HLCS: variants seen among roughly 807,000 people sequenced by gnomAD.
HLCS encodes the protein biotin--protein ligase.
In HLCS, 53 loss-of-function variants were observed where a neutral mutation model predicts 75.0. The ratio of observed to expected loss-of-function variants is 0.71; its 90% confidence interval spans 0.57 to 0.89. HLCS has a LOEUF of 0.89. HLCS is among the 40% of genes least tolerant of loss of function. The pLI is 0.00. For synonymous variants in HLCS, 431 were observed against 428.6 expected, an observed-to-expected ratio of 1.01 and a Z score of -0.07; for missense variants, 966 against 1,074.0, an observed-to-expected ratio of 0.90 and a Z score of 1.41.
intron 6 of HLCS, among the ~76,000 whole-genome samples, chr21:36,770,266 C>T (rs1438636046): frequency 6.6e-6 from 1 of 151,506 alleles, no homozygotes; most frequent in East Asian, 1.9e-4. Context: ...CCTGCCTCAG[C>T]CTCCCGAATA....
intron 6 of HLCS, among the ~76,000 whole-genome samples, chr21:36,868,274 G>GGAAGGAAAGAAAGAAAGAAA (rs886275509): frequency 0.1 from 13,546 of 134,834 alleles, 913 homozygotes; most frequent in Middle Eastern, 0.16. Context: ...AAGGAAGGAA[G>GGAAGGAAAGAAAGAAAGAAA]GAAAGAAAGA....
intron 6 of HLCS, among the ~76,000 whole-genome samples, chr21:36,862,947 T>TTC (rs917211555): frequency 7.6e-5 from 11 of 145,332 alleles, no homozygotes; most frequent in African/African-American, 2.7e-4. Context: ...CTTTCTCTCT[T>TTC]TTTTTTTTTT....
chr21:36,965,724 G>A (rs994957163), intron 1 of HLCS, among the ~76,000 whole-genome samples: 3 of 136,948 alleles, frequency 2.2e-5, no homozygotes, highest in African/African-American at 8.2e-5. Flanking sequence ...GGAGTTTTTT[G>A]TTTGGGATTT....
chr21:36,856,687 G>GA (rs920762769), intron 6 of HLCS, among the ~76,000 whole-genome samples: 7 of 148,876 alleles, frequency 4.7e-5, no homozygotes, highest in African/African-American at 1.2e-4. Context: ...TAGAAGGAAG[G>GA]AAAAAAAAAT....
chr21:36,927,181 T>C (rs1158283937), intron 5 of HLCS, among the ~76,000 whole-genome samples: 6 of 152,256 alleles, frequency 3.9e-5, no homozygotes, highest in African/African-American at 1.4e-4. Context: ...CGTGAAAGCC[T>C]TGGTCGGAGG....
At chr21:36,789,469 A>T (rs2060793570) in intron 6 of HLCS, among the ~76,000 whole-genome samples, 1 of 152,254 alleles carries the variant, frequency 6.6e-6, no homozygotes, top group African/African-American at 2.4e-5. Context: ...CAAGTAATTT[A>T]TACATTTTCC....
chr21:36,866,632 C>T (rs2063566304), intron 6 of HLCS, among the ~76,000 whole-genome samples: 1 of 152,162 alleles, frequency 6.6e-6, no homozygotes, highest in South Asian at 2.1e-4. Context: ...CACATTCCTT[C>T]GATCATAAAG....
At chr21:36,868,636 A>G (rs1295532137) in intron 6 of HLCS, among the ~76,000 whole-genome samples, 1 of 152,052 alleles carries the variant, frequency 6.6e-6, no homozygotes, top group Non-Finnish European at 1.5e-5. Flanking sequence ...AAAGAAAATG[A>G]TGACCAAAAT....
Position 36,947,318 on chromosome 21 carries a change from C to T in HLCS, c.331-8324G>A, listed in dbSNP as rs1028619877. The T allele has an allele frequency of 6.1e-6, 6 of 984,394 alleles. No homozygotes were observed. The East Asian group carries it at 3.4e-4, about 56-fold the overall frequency. 61.0% of individuals were successfully genotyped at this position (984,394 alleles called of 1,614,324 possible). ...CCCGGATCAAGTTTCTCCACTCTGC[C>T]AACTGTTTCCTCACCTAAGTGCATT... On this transcript the variant is annotated intron_variant, in intron 2 of 10. Coordinates refer to ENST00000674895, the MANE Select transcript of HLCS (RefSeq NM_001352514.2).
At chr21:36,763,002 G>C (rs145816168) in intron 8 of HLCS, among the ~76,000 whole-genome samples, 4 of 152,242 alleles carry the variant, frequency 2.6e-5, no homozygotes, top group Non-Finnish European at 5.9e-5. Context: ...TGTTGCTAGA[G>C]TTAATTTCTC....
rs1374006738 is a variant in HLCS, at chr21:36,749,451, T to C, written c.*4795A>G. ...CTGCTCTCAAAATGTGAACTGACTT[T>C]TTTTTTTTTTTTTTTGCCAACCCTG... is the stretch of plus-strand genomic sequence containing the variant. On this transcript the variant is annotated 3_prime_UTR_variant, in exon 11 of 11. Transcript: ENST00000674895. 6.7e-6 allele frequency: 1 copy of C among 148,640 alleles called. No homozygotes were observed. The highest frequency in any genetic ancestry group is 1.5e-5 in the Non-Finnish European group (1 of 66,692). The allele number at this position is 148,640 out of a possible 1,614,324, so 9.2% of individuals were successfully genotyped here. A position where few individuals can be genotyped will look rare whatever the true frequency, so the allele number is the denominator to read the frequency against.
intron 6 of HLCS, among the ~76,000 whole-genome samples, chr21:36,892,093 G>A (rs1248536860): frequency 6.6e-6 from 1 of 152,144 alleles, no homozygotes; most frequent in Non-Finnish European, 1.5e-5. Context: ...GAAGCAAACA[G>A]ACTAGAGGGC....
At chr21:36,892,067 C>G (rs2064808732) in intron 6 of HLCS, among the ~76,000 whole-genome samples, 1 of 152,146 alleles carries the variant, frequency 6.6e-6, no homozygotes, top group Non-Finnish European at 1.5e-5. Flanking sequence ...GATGGTTACT[C>G]ACATGGAACC....
intron 6 of HLCS, among the ~76,000 whole-genome samples, chr21:36,822,973 T>C (rs1029237416): frequency 6.6e-6 from 1 of 152,252 alleles, no homozygotes; most frequent in African/African-American, 2.4e-5. Context: ...TTACCTGTTA[T>C]ATTGATTAGG....
At chr21:36,851,207 T>C (rs2062993245) in intron 6 of HLCS, among the ~76,000 whole-genome samples, 1 of 152,206 alleles carries the variant, frequency 6.6e-6, no homozygotes, top group Admixed American at 6.5e-5. Flanking sequence ...GAAACCAGGA[T>C]ACTGAAGAGC....
At chr21:36,780,989 T>G (rs1204667812) in intron 6 of HLCS, among the ~76,000 whole-genome samples, 1 of 115,290 alleles carries the variant, frequency 8.7e-6, no homozygotes, top group Non-Finnish European at 1.6e-5. Flanking sequence ...GGCAGGTGAG[T>G]AAGAAAGCTA....
chr21:36,916,742 GA>G (rs1404512866), intron 5 of HLCS, among the ~76,000 whole-genome samples: 1 of 152,018 alleles, frequency 6.6e-6, no homozygotes, highest in Non-Finnish European at 1.5e-5. Context: ...TGGTTCATAT[GA>G]AGATGGAATA....
At chr21:36,845,580 A>G (rs1462538774) in intron 6 of HLCS, among the ~76,000 whole-genome samples, 1 of 152,172 alleles carries the variant, frequency 6.6e-6, no homozygotes, top group Non-Finnish European at 1.5e-5. Flanking sequence ...ACACGCTCCC[A>G]GTTAATTCCA....
At position 36,842,558 on chromosome 21, in the gene HLCS, T is replaced by C. The variant is rs939411924; in HGVS notation, c.1892+54302A>G. Among the ~76,000 whole-genome samples, 5 of 152,028 alleles carry C rather than the reference T, an allele frequency of 3.3e-5. No homozygotes were observed. Among genetic ancestry groups the C allele is most frequent in the African/African-American group, 1.2e-4 (5 of 41,470 alleles). Reference sequence around the variant, plus strand: ...AGTTCGAGACCAGCCTGGCCAACAATGCAAAACCTCATTTCTACTAAAAAT... The same window carrying C: ...AGTTCGAGACCAGCCTGGCCAACAACGCAAAACCTCATTTCTACTAAAAAT... On this transcript the variant is annotated intron_variant, in intron 6 of 10. Transcript: ENST00000674895. This position sits in a 1 kb window ranked among gnomAD's most constrained non-coding sequence, Gnocchi z 4.2.
Sources: allele counts gnomAD v4.1 joint callset (sites outside exome capture counted in the v4.1 genomes callset), GRCh38; gene constraint gnomAD v4.1.1; non-coding constraint Gnocchi (gnomAD v3.1); transcripts MANE v1.5; gene names NCBI Gene and HGNC (gene_info 2026-07-23, HGNC 2026-07-21).